Variants in ARHGEF3 observed in about 807,000 individuals in gnomAD.
ARHGEF3 encodes the protein Rho guanine nucleotide exchange factor 3.
In ARHGEF3, 28 loss-of-function variants were observed where a neutral mutation model predicts 63.2. The ratio of observed to expected loss-of-function variants is 0.44; its 90% CI spans 0.33 to 0.61. ARHGEF3 has a LOEUF of 0.61. Among genes scored for constraint, ARHGEF3 ranks in the 20% least tolerant of loss-of-function variants. The pLI, the probability that ARHGEF3 is intolerant of heterozygous loss-of-function variation, is 0.03. For missense variants in ARHGEF3, 533 were observed against 659.3 expected, an observed-to-expected ratio of 0.81 and a Z score of 2.10; for synonymous variants, 266 against 254.2, an observed-to-expected ratio of 1.05 and a Z score of -0.44.
chr3:56,979,913 A>G (rs1701261124), intron 2 of ARHGEF3, among the ~76,000 whole-genome samples: 1 of 152,174 alleles, frequency 6.6e-6, no homozygotes, highest in African/African-American at 2.4e-5. Context: ...TTCTGCAGTG[A>G]GACTACTGAC....
chr3:56,757,405 C>T (rs1424976028), intron 2 of ARHGEF3, among the ~76,000 whole-genome samples: 3 of 151,552 alleles, frequency 2.0e-5, no homozygotes, highest in Non-Finnish European at 2.9e-5. Flanking sequence ...ACCCAGGAGG[C>T]GGAGATTGCA....
intron 4 of ARHGEF3, among the ~76,000 whole-genome samples, chr3:56,831,132 C>A (rs1419949629): frequency 1.3e-5 from 2 of 152,228 alleles, no homozygotes. Context: ...TAAATATTTA[C>A]TGATGAAGTA....
At chr3:57,002,513 T>TATATATATAGGTTATATATATATATAG (rs1560123137) in intron 2 of ARHGEF3, among the ~76,000 whole-genome samples, 1 of 81,902 alleles carries the variant, frequency 1.2e-5, no homozygotes, top group African/African-American at 4.0e-5. Context: ...TATATATATA[T>TATATATATAGGTTATATATATATATAG]GTTATATATG....
chr3:56,849,631 T>C (rs777778563), intron 4 of ARHGEF3, among the ~76,000 whole-genome samples: 3 of 150,898 alleles, frequency 2.0e-5, no homozygotes, highest in Non-Finnish European at 4.4e-5. Flanking sequence ...CCAACCCTAG[T>C]AGCCCAAAAT....
At chr3:56,892,760 T>A (rs1224872606) in intron 3 of ARHGEF3, among the ~76,000 whole-genome samples, 1 of 152,242 alleles carries the variant, frequency 6.6e-6, no homozygotes, top group Non-Finnish European at 1.5e-5. Flanking sequence ...CAGTTTTTCG[T>A]TCACTTGGCT....
intron 1 of ARHGEF3, among the ~76,000 whole-genome samples, chr3:57,072,808 A>G (rs567856304): frequency 6.6e-6 from 1 of 152,148 alleles, no homozygotes; most frequent in Non-Finnish European, 1.5e-5. Context: ...GCACTTTGGG[A>G]GGCCAAGGCG....
At chr3:56,909,472 C>T (rs2041795811) in intron 3 of ARHGEF3, among the ~76,000 whole-genome samples, 1 of 152,224 alleles carries the variant, frequency 6.6e-6, no homozygotes, top group African/African-American at 2.4e-5. Context: ...TCCCTGCTGC[C>T]ATGCCTCCAT....
chr3:56,872,003 TTATCA>T (rs2040444865), intron 4 of ARHGEF3, among the ~76,000 whole-genome samples: 1 of 152,196 alleles, frequency 6.6e-6, no homozygotes, highest in Non-Finnish European at 1.5e-5. Context: ...ATTCTTATTC[TTATCA>T]TATCACTGAA....
Position 56,773,778 on chromosome 3 carries a change from G to A in ARHGEF3, c.135C>T (p.Val45=), listed in dbSNP as rs2036135040. Residue 45 remains valine (V), a synonymous_variant, in exon 2 of 10, where the codon GTC becomes GTT. Transcript: ENST00000296315. ...GCGGGATGAGGTTTGCTAGCGACGT[G>A]ACTCGGGAAAGGGGTTTGACCCGTT... ...SNKRVKPLSR[V]TSLANLIPPV... 1 of 1,602,564 alleles carries A rather than the reference G, an allele frequency of 6.2e-7. No homozygotes were observed. Among genetic ancestry groups the A allele is most frequent in the Admixed American group, 1.8e-5 (1 of 56,644 alleles).
Position 56,898,056 on chromosome 3 carries a change from T to A in ARHGEF3, c.130-15702A>T, listed in dbSNP as rs1455539260. On this transcript the variant is annotated intron_variant, in intron 3 of 12. Coordinates refer to the ARHGEF3 transcript ENST00000338458. ...CACCACGCCCTGCTAATTTTTGTAT[T>A]TTTTGTAGAGACGGGGTCTCATTTT... is the stretch of plus-strand genomic sequence containing the variant. Among the ~76,000 whole-genome samples, 4 of 151,988 alleles carry A rather than the reference T, an allele frequency of 2.6e-5. No homozygotes were observed. In the East Asian group the frequency reaches 5.9e-4, roughly 22 times the overall value.
chr3:56,912,976 A>C (rs943585117), intron 3 of ARHGEF3, among the ~76,000 whole-genome samples: 16 of 152,260 alleles, frequency 1.1e-4, no homozygotes, highest in African/African-American at 3.6e-4. Flanking sequence ...GGTCTTGACA[A>C]AAAAGTTAAA....
chr3:57,079,177 G>C (rs1706349926), intron 1 of ARHGEF3: 2 of 395,268 alleles, frequency 5.1e-6, no homozygotes. Flanking sequence ...TGTCTAGCCG[G>C]GGAGGGTCTA....
intron 3 of ARHGEF3, among the ~76,000 whole-genome samples, chr3:56,901,356 G>T (rs1216169008): frequency 6.8e-6 from 1 of 147,312 alleles, no homozygotes; most frequent in Non-Finnish European, 1.5e-5. Flanking sequence ...GAGTAAACAA[G>T]AGAGTGGCAA....
intron 4 of ARHGEF3, among the ~76,000 whole-genome samples, chr3:56,869,696 T>C (rs557231646): frequency 4.6e-5 from 7 of 152,156 alleles, no homozygotes; most frequent in Non-Finnish European, 7.4e-5. Context: ...CTTGATATAA[T>C]TACATAAATC....
At chr3:56,922,829 T>C (rs1405704859) in intron 3 of ARHGEF3, among the ~76,000 whole-genome samples, 6 of 152,002 alleles carry the variant, frequency 3.9e-5, no homozygotes, top group Non-Finnish European at 1.5e-5. Context: ...AAAACAGGAA[T>C]GACTCCTTTA....
At chr3:56,808,373 G>A (rs1385501799) in intron 4 of ARHGEF3, among the ~76,000 whole-genome samples, 1 of 152,082 alleles carries the variant, frequency 6.6e-6, no homozygotes, top group Non-Finnish European at 1.5e-5. Flanking sequence ...CTTGAGCGCA[G>A]GCGTTCGAGA....
intron 3 of ARHGEF3, among the ~76,000 whole-genome samples, chr3:56,925,641 T>C (rs1276156734): frequency 4.1e-5 from 6 of 147,632 alleles, no homozygotes; most frequent in Non-Finnish European, 9.0e-5. Context: ...ATAAGTACTT[T>C]TATTATCCCT....
intron 2 of ARHGEF3, among the ~76,000 whole-genome samples, chr3:57,004,697 T>C (rs1030013093): frequency 1.3e-5 from 2 of 152,248 alleles, no homozygotes; most frequent in Non-Finnish European, 2.9e-5. Flanking sequence ...GCCGGCGCAG[T>C]GGCTCATGCC....
At chr3:56,816,321 C>G (rs2038269127) in intron 4 of ARHGEF3, among the ~76,000 whole-genome samples, 1 of 152,170 alleles carries the variant, frequency 6.6e-6, no homozygotes, top group Non-Finnish European at 1.5e-5. Flanking sequence ...AAACTTCTTA[C>G]CCAAAATACT....
Sources: gnomAD v4.1 joint callset for allele counts (sites outside exome capture counted in the v4.1 genomes callset) on GRCh38, gnomAD v4.1.1 for gene constraint, MANE v1.5 for transcripts, NCBI Gene and HGNC (gene_info 2026-07-23, HGNC 2026-07-21) for gene names.